CELF2: variants seen among roughly 807,000 people sequenced by gnomAD.
The protein encoded by CELF2 is CUG triplet repeat RNA-binding protein 2.
In CELF2, 8 loss-of-function variants were observed where a neutral mutation model predicts 62.6. The ratio of observed to expected loss-of-function variants is 0.13; its 90% CI spans 0.07 to 0.23. The LOEUF (loss-of-function observed/expected upper bound fraction) is 0.23, where lower values mean the gene tolerates loss of function less well. Ranked by LOEUF, CELF2 falls within the 10% of genes least tolerant of loss-of-function variation. The pLI, the probability that CELF2 is intolerant of heterozygous loss-of-function variation, is 1.00. For missense variants in CELF2, 333 were observed against 671.0 expected (o/e 0.50, Z 5.56); for synonymous variants, 258 against 250.0 (o/e 1.03, Z -0.30).
chr10:11,259,583 A>G (rs1319102136), intron 5 of CELF2, among the ~76,000 whole-genome samples: 1 of 152,226 alleles, frequency 6.6e-6, no homozygotes, highest in African/African-American at 2.4e-5. Context: ...CAGATCCAGT[A>G]TCCGGGGCTC....
intron 11 of CELF2, among the ~76,000 whole-genome samples, chr10:11,322,405 A>G (rs1335207637): frequency 1.3e-5 from 2 of 152,258 alleles, no homozygotes; most frequent in African/African-American, 4.8e-5. Flanking sequence ...CATGAGTAAG[A>G]CCAAATAAGG....
intron 2 of CELF2, among the ~76,000 whole-genome samples, chr10:10,982,423 G>A (rs2052251811): frequency 6.6e-6 from 1 of 152,142 alleles, no homozygotes; most frequent in Admixed American, 6.5e-5. Flanking sequence ...CTAGCTTTCA[G>A]AATAACACAG....
At chr10:11,089,993 A>T (rs1015267310) in intron 1 of CELF2, among the ~76,000 whole-genome samples, 4 of 152,194 alleles carry the variant, frequency 2.6e-5, no homozygotes, top group African/African-American at 9.7e-5. Flanking sequence ...GGACATGAAG[A>T]TGGAAACCAT....
chr10:10,487,102 C>T, the CELF2 span, among the ~76,000 whole-genome samples: 23 of 152,192 alleles, frequency 1.5e-4, no homozygotes, highest in Non-Finnish European at 3.1e-4. Context: ...GAATAGACAT[C>T]TTGCTGGCTT....
At chr10:10,562,753 A>G in the CELF2 span, among the ~76,000 whole-genome samples, 1 of 128,864 alleles carries the variant, frequency 7.8e-6, no homozygotes, top group Non-Finnish European at 1.5e-5. Flanking sequence ...CTTCCCTTTT[A>G]TTTCCTTTCA....
rs1047519596 is a variant in CELF2 at position 10,931,520 on chromosome 10, C to T, written c.89+11521C>T. Among the ~76,000 whole-genome samples the T allele has an allele frequency of 1.3e-5, 2 of 152,170 alleles. No individual in the cohort carries two copies. Among genetic ancestry groups the T allele is most frequent in the African/African-American group, 4.8e-5 (2 of 41,432 alleles). ...AGACCCTCCCTCACCCAGATCCCAA[C>T]CTGTGGAACTCAGGCTAGCATCGAC... On this transcript the variant is annotated intron_variant, in intron 2 of 13. Transcript: ENST00000636488. The surrounding 1 kb of genome is among the most constrained non-coding windows in gnomAD (Gnocchi z 6.1).
chr10:10,976,965 T>C (rs1243550352), intron 2 of CELF2, among the ~76,000 whole-genome samples: 4 of 152,130 alleles, frequency 2.6e-5, no homozygotes, highest in African/African-American at 7.2e-5. Context: ...ATCACTGACT[T>C]ATTTTTGAGT....
chr10:10,779,380 A>T, the CELF2 span, among the ~76,000 whole-genome samples: 2 of 152,154 alleles, frequency 1.3e-5, no homozygotes, highest in South Asian at 2.1e-4. Context: ...TAAAAACCTT[A>T]CTCAAGCCAG....
chr10:10,744,992 T>G, the CELF2 span, among the ~76,000 whole-genome samples: 1 of 152,066 alleles, frequency 6.6e-6, no homozygotes, highest in Non-Finnish European at 1.5e-5. Context: ...TAACCAGAGC[T>G]TTAAGGCTCA....
At chr10:10,858,597 A>G (rs963736825) in intron 1 of CELF2, among the ~76,000 whole-genome samples, 1 of 152,162 alleles carries the variant, frequency 6.6e-6, no homozygotes, top group Non-Finnish European at 1.5e-5. Flanking sequence ...GAGCTATATT[A>G]AATGTTAATT....
intron 5 of CELF2, among the ~76,000 whole-genome samples, chr10:11,263,295 T>G (rs2081259813): frequency 6.6e-6 from 1 of 152,120 alleles, no homozygotes; most frequent in African/African-American, 2.4e-5. Context: ...AAAGGTAAAT[T>G]GCAGGTTGGC....
At chr10:11,221,283 A>T (rs1483684468) in intron 3 of CELF2, among the ~76,000 whole-genome samples, 1 of 152,224 alleles carries the variant, frequency 6.6e-6, no homozygotes, top group East Asian at 1.9e-4. Flanking sequence ...GGCACAACCT[A>T]ACTGGTAGTT....
chr10:11,281,791 A>G (rs147448529), intron 8 of CELF2, among the ~76,000 whole-genome samples: 270 of 152,264 alleles, frequency 1.8e-3, no homozygotes, highest in African/African-American at 6.2e-3. Context: ...AGAGAGCAAA[A>G]CGTAGTACAT....
chr10:11,200,516 T>A (rs906126964), intron 2 of CELF2, among the ~76,000 whole-genome samples: 2 of 152,218 alleles, frequency 1.3e-5, no homozygotes, highest in Non-Finnish European at 2.9e-5. Context: ...CTGGAAAGCA[T>A]TTTAAATGAT....
At chr10:11,085,832 C>T (rs1240805963) in intron 1 of CELF2, among the ~76,000 whole-genome samples, 3 of 152,132 alleles carry the variant, frequency 2.0e-5, no homozygotes, top group African/African-American at 7.2e-5. Flanking sequence ...CCTGGGTCAC[C>T]ACTCCATTTC....
the CELF2 span, among the ~76,000 whole-genome samples, chr10:10,483,135 C>G: frequency 6.7e-6 from 1 of 149,824 alleles, no homozygotes; most frequent in African/African-American, 2.5e-5. Flanking sequence ...TTGCTTCTGT[C>G]ACCTTTACAA....
the CELF2 span, among the ~76,000 whole-genome samples, chr10:10,561,097 C>A: frequency 6.6e-6 from 1 of 152,046 alleles, no homozygotes; most frequent in Admixed American, 6.6e-5. Context: ...GTGCACCAGG[C>A]TCTCACAAAT....
the CELF2 span, among the ~76,000 whole-genome samples, chr10:10,696,607 T>A: frequency 2.5e-4 from 38 of 152,122 alleles, no homozygotes; most frequent in South Asian, 1.9e-3. Flanking sequence ...CCAGCCTCGC[T>A]GCGGCCTTGC....
chr10:11,207,077 A>C lies in CELF2; in HGVS notation c.272-10348A>C, dbSNP rs1157104646. Among the ~76,000 whole-genome samples the C allele has an allele frequency of 6.6e-6, 1 of 152,254 alleles. No homozygotes were observed. Among genetic ancestry groups the C allele is most frequent in the Non-Finnish European group, 1.5e-5 (1 of 68,050 alleles). ...TATTTCAAAGAACCAGAGAAGGGGA[A>C]AAGCACATTCCAGCAATTTTGCCCT... On this transcript the variant is annotated intron_variant, in intron 2 of 12. Coordinates refer to ENST00000633077, the MANE Select transcript of CELF2 (RefSeq NM_001326342.2). This position sits in a 1 kb window ranked among gnomAD's most constrained non-coding sequence, Gnocchi z 4.1.
Sources: gnomAD v4.1 joint callset for allele counts (sites outside exome capture counted in the v4.1 genomes callset) on GRCh38, gnomAD v4.1.1 for gene constraint, Gnocchi (gnomAD v3.1) non-coding constraint, MANE v1.5 for transcripts, NCBI Gene and HGNC (gene_info 2026-07-23, HGNC 2026-07-21) for gene names.